Variants in RBFOX1 observed in about 807,000 individuals in gnomAD.
RBFOX1 encodes the protein RNA binding fox-1 homolog 1.
RBFOX1 carries 8 observed loss-of-function variants against 57.7 expected under a neutral mutation model. That is an observed-to-expected ratio of 0.14 (90% CI 0.08 to 0.25). RBFOX1 has a LOEUF of 0.25. Ranked by LOEUF, RBFOX1 falls within the 10% of genes least tolerant of loss-of-function variation. The pLI is 1.00. For synonymous variants in RBFOX1, 326 were observed against 222.4 expected (o/e 1.47, Z -4.15); for missense variants, 611 against 548.5 (o/e 1.11, Z -1.14).
At chr16:6,329,152 C>G (rs2082711909) in intron 2 of RBFOX1, among the ~76,000 whole-genome samples, 1 of 152,128 alleles carries the variant, frequency 6.6e-6, no homozygotes, top group South Asian at 2.1e-4. Context: ...ATTTCAAGTG[C>G]TGAATTCCTA....
At chr16:6,059,076 C>A (rs2095652652) in intron 1 of RBFOX1, 1 of 152,328 alleles carries the variant, frequency 6.6e-6, no homozygotes, top group Non-Finnish European at 1.5e-5. Flanking sequence ...ACTGCTTTCT[C>A]TTTTCATATT....
rs150273381 is a variant in RBFOX1 at position 6,702,639 on chromosome 16, C to T, written c.-16+47989C>T. ...CTGAAGACTAAATGAGGTCATACTT[C>T]TAAGATACCCAGCCCAGTGACTGGT... On this transcript the variant is annotated intron_variant, in intron 3 of 15. Coordinates refer to ENST00000550418, the MANE Select transcript of RBFOX1 (RefSeq NM_018723.4). Among the ~76,000 whole-genome samples, 671 of 152,272 alleles carry T rather than the reference C, an allele frequency of 4.4e-3. 8 individuals carry two copies. Among genetic ancestry groups the T allele is most frequent in the African/African-American group, 0.015 (640 of 41,566 alleles).
chr16:6,344,451 G>A (rs1199298621), intron 2 of RBFOX1, among the ~76,000 whole-genome samples: 2 of 124,116 alleles, frequency 1.6e-5, no homozygotes, highest in African/African-American at 3.4e-5. Context: ...AGGCTGGAGT[G>A]CAGTGGCACA....
chr16:7,575,143 T>C (rs2093203603), intron 5 of RBFOX1, among the ~76,000 whole-genome samples: 1 of 152,008 alleles, frequency 6.6e-6, no homozygotes, highest in Admixed American at 6.6e-5. Context: ...CAATTAATTA[T>C]CCTTTTTTTG....
At chr16:6,932,836 A>G (rs571207073) in intron 3 of RBFOX1, among the ~76,000 whole-genome samples, 1 of 152,210 alleles carries the variant, frequency 6.6e-6, no homozygotes, top group South Asian at 2.1e-4. Context: ...GCCACTGTAC[A>G]TCTCTAGAAC....
intron 14 of RBFOX1, among the ~76,000 whole-genome samples, chr16:7,706,069 G>A (rs780229415): frequency 6.6e-6 from 1 of 152,154 alleles, no homozygotes; most frequent in Non-Finnish European, 1.5e-5. Context: ...TGCTTAGCCA[G>A]CTCTGAGGAC....
At chr16:5,398,522 ATG>A (rs1369365429) in intron 1 of RBFOX1, among the ~76,000 whole-genome samples, 2 of 151,756 alleles carry the variant, frequency 1.3e-5, no homozygotes, top group Non-Finnish European at 2.9e-5. Context: ...GTGTGCATGC[ATG>A]TGTGTGAATG....
chr16:6,557,454 T>C (rs1599766506), intron 2 of RBFOX1, among the ~76,000 whole-genome samples: 1 of 152,180 alleles, frequency 6.6e-6, no homozygotes, highest in African/African-American at 2.4e-5. Flanking sequence ...ATTTCTCTAA[T>C]TTATTACATT....
At chr16:6,967,420 G>C (rs1032933271) in intron 3 of RBFOX1, among the ~76,000 whole-genome samples, 2 of 152,162 alleles carry the variant, frequency 1.3e-5, no homozygotes, top group African/African-American at 4.8e-5. Flanking sequence ...GTTGAAGCCA[G>C]TTCCAAAAAG....
At chr16:6,639,626 C>G (rs952355484) in intron 2 of RBFOX1, among the ~76,000 whole-genome samples, 14 of 152,144 alleles carry the variant, frequency 9.2e-5, no homozygotes, top group South Asian at 2.1e-4. Context: ...CCTGTAATCC[C>G]AGCACTTTGG....
intron 4 of RBFOX1, among the ~76,000 whole-genome samples, chr16:6,000,900 G>A (rs985402062): frequency 6.9e-6 from 1 of 144,848 alleles, no homozygotes; most frequent in African/African-American, 2.6e-5. Flanking sequence ...TAGGTAGGTG[G>A]GTGGGTGGGC....
chr16:5,658,502 C>G (rs919657897), intron 3 of RBFOX1, among the ~76,000 whole-genome samples: 4 of 152,016 alleles, frequency 2.6e-5, no homozygotes, highest in Non-Finnish European at 5.9e-5. Context: ...CAGTGATTTT[C>G]CAATTTAACT....
At chr16:7,493,282 G>A (rs982321549) in intron 4 of RBFOX1, among the ~76,000 whole-genome samples, 3 of 152,202 alleles carry the variant, frequency 2.0e-5, no homozygotes, top group Non-Finnish European at 2.9e-5. Context: ...ACAGCCACAC[G>A]TGGCTAGAGT....
intron 10 of RBFOX1, among the ~76,000 whole-genome samples, chr16:7,629,779 C>A (rs1432775346): frequency 6.6e-6 from 1 of 152,180 alleles, no homozygotes; most frequent in Non-Finnish European, 1.5e-5. Context: ...ACCCAGTGCC[C>A]TTCGCTTTAA....
At chr16:6,976,821 T>G (rs1195667567) in intron 3 of RBFOX1, among the ~76,000 whole-genome samples, 1 of 143,812 alleles carries the variant, frequency 7.0e-6, no homozygotes, top group Non-Finnish European at 1.5e-5. Context: ...ATGATCTAGA[T>G]CATATATAAT....
At chr16:6,320,516 T>A (rs933494911) in intron 2 of RBFOX1, among the ~76,000 whole-genome samples, 10 of 152,008 alleles carry the variant, frequency 6.6e-5, no homozygotes, top group Non-Finnish European at 1.3e-4. Flanking sequence ...AATTTTTTTT[T>A]AAATTGCGAA....
intron 2 of RBFOX1, among the ~76,000 whole-genome samples, chr16:6,373,501 A>G (rs149956243): frequency 4.0e-5 from 6 of 151,512 alleles, no homozygotes; most frequent in African/African-American, 9.7e-5. Flanking sequence ...ATGGAGATTC[A>G]GTGGAAATGT....
chr16:7,025,526 G>T (rs8043928), intron 3 of RBFOX1, among the ~76,000 whole-genome samples: 8,900 of 152,160 alleles, frequency 0.058, 882 homozygotes, highest in African/African-American at 0.2. Context: ...AGTTGCTCTG[G>T]TTCAAACACC....
At chr16:7,501,392 CATT>C (rs1229987733) in intron 4 of RBFOX1, among the ~76,000 whole-genome samples, 1 of 152,158 alleles carries the variant, frequency 6.6e-6, no homozygotes, top group Non-Finnish European at 1.5e-5. Context: ...TGGCATGTAT[CATT>C]GTTGCATTTA....
Sources: allele counts gnomAD v4.1 joint callset (sites outside exome capture counted in the v4.1 genomes callset), GRCh38; gene constraint gnomAD v4.1.1; transcripts MANE v1.5; gene names NCBI Gene and HGNC (gene_info 2026-07-23, HGNC 2026-07-21).